PRKG1: variants seen among roughly 807,000 people sequenced by gnomAD.
PRKG1 encodes cGMP-dependent protein kinase 1.
PRKG1 carries 35 observed loss-of-function variants against 88.1 expected under a neutral mutation model. The observed-to-expected ratio is 0.40, with a 90% CI of 0.30 to 0.53. The LOEUF (loss-of-function observed/expected upper bound fraction) is 0.53, where lower values mean the gene tolerates loss of function less well. Ranked by LOEUF, PRKG1 falls within the 20% of genes least tolerant of loss-of-function variation. The pLI, the probability that PRKG1 is intolerant of heterozygous loss-of-function variation, is 0.59. For synonymous variants in PRKG1, 303 were observed against 292.5 expected (o/e 1.04, Z -0.37); for missense variants, 540 against 839.8 (o/e 0.64, Z 4.41).
At chr10:52,138,574 A>G (rs1837491011) in intron 8 of PRKG1, among the ~76,000 whole-genome samples, 1 of 152,080 alleles carries the variant, frequency 6.6e-6, no homozygotes, top group Admixed American at 6.6e-5. Context: ...TGATTTATAC[A>G]GCACACATGG....
intron 1 of PRKG1, among the ~76,000 whole-genome samples, chr10:50,992,356 C>T (rs1842791542): frequency 6.6e-6 from 1 of 152,172 alleles, no homozygotes. Flanking sequence ...CGTTTCTTTG[C>T]TCTGATTGTG....
chr10:51,351,037 G>T (rs2132564814), intron 2 of PRKG1, among the ~76,000 whole-genome samples: 2 of 152,126 alleles, frequency 1.3e-5, no homozygotes, highest in Middle Eastern at 6.8e-3. Flanking sequence ...GTTCCAGTTT[G>T]CTGAGAATGA....
At chr10:52,111,789 A>G (rs1400946735) in intron 7 of PRKG1, among the ~76,000 whole-genome samples, 1 of 152,186 alleles carries the variant, frequency 6.6e-6, no homozygotes, top group Non-Finnish European at 1.5e-5. Context: ...TACTTGCTTA[A>G]TGAAGACATT....
Position 51,427,063 on chromosome 10 carries a change from A to G in PRKG1, c.479-40660A>G, listed in dbSNP as rs889433189. Among the ~76,000 whole-genome samples, 6 of 152,328 alleles carry G rather than the reference A, an allele frequency of 3.9e-5. No homozygotes were observed. The East Asian group carries it at 5.8e-4, about 15-fold the overall frequency. ...GCTATTGCCTGCATAGTCAGGTCCT[A>G]TGAATTTCAAAATATTGTTTATTTC... On this transcript the variant is annotated intron_variant, in intron 2 of 17. Transcript: ENST00000373980.
At chr10:51,568,672 T>G (rs957729453) in intron 3 of PRKG1, 4 of 152,086 alleles carry the variant, frequency 2.6e-5, no homozygotes, top group Non-Finnish European at 5.9e-5. Context: ...AAATGCTTTT[T>G]AGTGTTCCTC....
At chr10:51,902,107 T>C (rs1330066588) in intron 4 of PRKG1, among the ~76,000 whole-genome samples, 2 of 152,030 alleles carry the variant, frequency 1.3e-5, no homozygotes, top group Non-Finnish European at 2.9e-5. Flanking sequence ...TAAACTTTTA[T>C]TTTTTATTTT....
At chr10:51,052,756 G>A (rs934452813) in intron 1 of PRKG1, among the ~76,000 whole-genome samples, 13 of 152,160 alleles carry the variant, frequency 8.5e-5, no homozygotes, top group East Asian at 3.9e-4. Flanking sequence ...GCTTTGCCCC[G>A]TGAGAAGAGA....
intron 7 of PRKG1, among the ~76,000 whole-genome samples, chr10:52,106,958 T>C (rs905224709): frequency 4.6e-5 from 7 of 152,104 alleles, no homozygotes; most frequent in African/African-American, 1.2e-4. Flanking sequence ...GCACAGCTGA[T>C]CTTGTCACAT....
At chr10:52,229,907 A>G (rs1564524427) in intron 9 of PRKG1, among the ~76,000 whole-genome samples, 1 of 152,210 alleles carries the variant, frequency 6.6e-6, no homozygotes, top group Non-Finnish European at 1.5e-5. Context: ...AGAGTCTAGA[A>G]TAGATTGTAG....
At chr10:51,560,365 T>C (rs968119557) in intron 3 of PRKG1, among the ~76,000 whole-genome samples, 11 of 152,124 alleles carry the variant, frequency 7.2e-5, no homozygotes, top group Non-Finnish European at 1.3e-4. Flanking sequence ...TAAGAAAAAG[T>C]AAACTTGATT....
intron 2 of PRKG1, among the ~76,000 whole-genome samples, chr10:51,311,834 G>T (rs1266655945): frequency 6.6e-6 from 1 of 152,054 alleles, no homozygotes; most frequent in Non-Finnish European, 1.5e-5. Flanking sequence ...GGAAAGGAGG[G>T]CCTGGGGGAA....
chr10:51,446,765 G>C (rs1205527325), intron 2 of PRKG1, among the ~76,000 whole-genome samples: 1 of 152,082 alleles, frequency 6.6e-6, no homozygotes, highest in African/African-American at 2.4e-5. Flanking sequence ...ACTTTGAGAA[G>C]GATGGCCCCT....
At chr10:52,027,631 C>T (rs1243152579) in intron 5 of PRKG1, among the ~76,000 whole-genome samples, 1 of 152,092 alleles carries the variant, frequency 6.6e-6, no homozygotes, top group African/African-American at 2.4e-5. Context: ...TTCAGTCAGC[C>T]TTTGCAATGA....
At chr10:51,930,988 C>T (rs1266122996) in intron 5 of PRKG1, among the ~76,000 whole-genome samples, 2 of 152,096 alleles carry the variant, frequency 1.3e-5, no homozygotes, top group Non-Finnish European at 2.9e-5. Flanking sequence ...CTCTCCTGTC[C>T]TCAGCATTGG....
chr10:51,186,233 TTC>T (rs1837483194), intron 2 of PRKG1, among the ~76,000 whole-genome samples: 1 of 151,928 alleles, frequency 6.6e-6, no homozygotes, highest in African/African-American at 2.4e-5. Context: ...ATTTATCATT[TTC>T]TCTCTTATGC....
At chr10:51,395,545 C>T (rs1362546807) in intron 2 of PRKG1, among the ~76,000 whole-genome samples, 1 of 152,028 alleles carries the variant, frequency 6.6e-6, no homozygotes, top group Non-Finnish European at 1.5e-5. Flanking sequence ...TGGATTGGCT[C>T]ATTTTGCTTT....
intron 4 of PRKG1, among the ~76,000 whole-genome samples, chr10:51,887,680 A>C (rs942249579): frequency 6.6e-6 from 1 of 152,194 alleles, no homozygotes; most frequent in African/African-American, 2.4e-5. Flanking sequence ...CCAATAAGTT[A>C]TGTTGGCACT....
rs192459109 is a variant in PRKG1 at position 52,070,371 on chromosome 10, C to G, written c.935+7740C>G. On this transcript the variant is annotated intron_variant, in intron 7 of 17. Coordinates refer to ENST00000373980, the MANE Select transcript of PRKG1 (RefSeq NM_006258.4). ...CTGACATTCATGTTCTGCAGCCAGT[C>G]AAATCACCATTCCTTTGTAGGTAAA... 2.5e-4 allele frequency among the ~76,000 whole-genome samples: 38 copies of G among 152,314 alleles called. 1 individual carries two copies. The highest frequency in any genetic ancestry group is 2.2e-3 in the Admixed American group (34 of 15,304).
intron 7 of PRKG1, among the ~76,000 whole-genome samples, chr10:52,117,691 A>G (rs994312454): frequency 1.1e-4 from 16 of 152,218 alleles, no homozygotes; most frequent in Non-Finnish European, 1.9e-4. Flanking sequence ...TATAAAATTT[A>G]AAAGCTACAA....
Sources: allele counts gnomAD v4.1 joint callset (sites outside exome capture counted in the v4.1 genomes callset), GRCh38; gene constraint gnomAD v4.1.1; transcripts MANE v1.5; gene names NCBI Gene and HGNC (gene_info 2026-07-23, HGNC 2026-07-21).